PLA2G2C: variants seen among roughly 807,000 people sequenced by gnomAD.
PLA2G2C encodes the protein putative inactive group IIC secretory phospholipase A2.
Under a neutral mutation model 14.3 loss-of-function variants are expected in PLA2G2C, and 15 were observed. That is an observed-to-expected ratio of 1.05 (90% CI 0.70 to 1.62). The LOEUF is 1.62. Ranked by LOEUF, PLA2G2C falls within the 40% of genes most tolerant of loss-of-function variation. The pLI is 0.00. For synonymous variants in PLA2G2C, 79 were observed against 67.7 expected (o/e 1.17, Z -0.82); for missense variants, 162 against 173.2 (o/e 0.94, Z 0.36).
intron 4 of PLA2G2C, among the ~76,000 whole-genome samples, chr1:20,167,068 T>C (rs552137488): frequency 6.6e-6 from 1 of 152,342 alleles, no homozygotes; most frequent in South Asian, 2.1e-4. Flanking sequence ...CTGCATGAAC[T>C]ACATCTCCAC....
Position 20,182,852 on chromosome 1 carries a change from C to T in PLA2G2C, c.-77+3508G>A, listed in dbSNP as rs184970709. The stretch of plus-strand genomic sequence containing the variant: ...GGCCAAACACTCTGTGGGGACAAGC[C>T]GCTAAGAAACCGGGGCCCCCGCCTT... On this transcript the variant is annotated intron_variant, in intron 1 of 4. Coordinates refer to ENST00000679259, the MANE Select transcript of PLA2G2C (RefSeq NM_001367969.2). Among the ~76,000 whole-genome samples the T allele has an allele frequency of 2.0e-3, 308 of 152,328 alleles. 2 individuals carry two copies. The highest frequency in any genetic ancestry group is 2.3e-3 in the Non-Finnish European group (159 of 68,030).
At position 20,172,912 on chromosome 1, in the gene PLA2G2C, C is replaced by A. The variant is rs781426913; in HGVS notation, c.180-15G>T. 96 of 1,598,750 alleles carry A rather than the reference C, an allele frequency of 6.0e-5. No homozygotes were observed. The highest frequency in any genetic ancestry group is 8.1e-5 in the Non-Finnish European group (94 of 1,166,868). On this transcript the variant is annotated splice_polypyrimidine_tract_variant and intron_variant, in intron 3 of 4. Coordinates refer to ENST00000679259, the MANE Select transcript of PLA2G2C (RefSeq NM_001367969.2). ...AGGGGCTGTGCCTGGAAGTGGGTCC[C>A]TCAGGAATCTGCTGGAGGACCTTAT...
At chr1:20,183,481 C>T (rs1007107658) in intron 1 of PLA2G2C, among the ~76,000 whole-genome samples, 1 of 152,204 alleles carries the variant, frequency 6.6e-6, no homozygotes, top group African/African-American at 2.4e-5. Context: ...GCTCCTTCAC[C>T]AGGGGGAACC....
chr1:20,174,294 A>G (rs527607006), intron 3 of PLA2G2C, among the ~76,000 whole-genome samples: 4 of 152,318 alleles, frequency 2.6e-5, no homozygotes, highest in South Asian at 2.1e-4. Context: ...ATGTCTTCAA[A>G]TGAATTGACA....
intron 1 of PLA2G2C, among the ~76,000 whole-genome samples, chr1:20,179,584 C>A (rs976894818): frequency 7.3e-6 from 1 of 137,328 alleles, no homozygotes; most frequent in African/African-American, 2.8e-5. Flanking sequence ...TCTATGCTGG[C>A]TTCTCTGTGT....
intron 1 of PLA2G2C, among the ~76,000 whole-genome samples, chr1:20,179,091 A>C (rs1229185160): frequency 2.0e-5 from 3 of 152,196 alleles, no homozygotes; most frequent in Admixed American, 2.0e-4. Flanking sequence ...CTGGGGTGAT[A>C]GTTTAAAGGG....
intron 2 of PLA2G2C, among the ~76,000 whole-genome samples, chr1:20,176,034 T>A (rs1435698428): frequency 6.6e-6 from 1 of 151,792 alleles, no homozygotes; most frequent in Non-Finnish European, 1.5e-5. Flanking sequence ...CTCAGCCTCC[T>A]GAGTAGCTGG....
At chr1:20,185,635 G>A (rs1343348158) in intron 1 of PLA2G2C, among the ~76,000 whole-genome samples, 2 of 152,166 alleles carry the variant, frequency 1.3e-5, no homozygotes, top group East Asian at 3.9e-4. Flanking sequence ...TACTGAGGAT[G>A]GGGGCCCTGC....
chr1:20,172,657 G>T, intron 4 of PLA2G2C, 137 bp downstream of exon 4: 1 of 751,678 alleles, frequency 1.3e-6, no homozygotes, highest in Non-Finnish European at 2.1e-6. Flanking sequence ...TGGAGCATCA[G>T]GAGAAAGCTC....
In PLA2G2C at chr1:20,164,146, G is replaced by A. The variant is rs529946776; in HGVS notation, c.295C>T (p.Leu99Phe). 16 of 1,612,972 alleles carry A rather than the reference G, an allele frequency of 9.9e-6. No individual in the cohort carries two copies. In the South Asian group the frequency reaches 1.8e-4, roughly 18 times the overall value. Residue 99 changes from leucine (L) to phenylalanine (F), a missense_variant, in exon 5 of 5, where the codon CTT (leucine) becomes TTT (phenylalanine). Coordinates refer to ENST00000679259, the MANE Select transcript of PLA2G2C (RefSeq NM_001367969.2). ...CAGTGGCAGCTGGCACCAGGACCAA[G>A]GGTGCATCCACCTACAGAGACACAG... ...VNGAVVCGCT[L>F]GPGASCHCRL...
intron 4 of PLA2G2C, among the ~76,000 whole-genome samples, chr1:20,165,811 G>A (rs114072525): frequency 1.5e-3 from 225 of 151,492 alleles, no homozygotes; most frequent in African/African-American, 5.1e-3. Flanking sequence ...GTGTTTGTGC[G>A]TGTGTGTGTG....
At position 20,166,618 on chromosome 1, in the gene PLA2G2C, CCT is replaced by C. The variant is rs755704403; in HGVS notation, c.284-2463_284-2462del. On this transcript the variant is annotated intron_variant, in intron 4 of 4. Coordinates refer to ENST00000679259, the MANE Select transcript of PLA2G2C (RefSeq NM_001367969.2). The stretch of plus-strand genomic sequence containing the variant: ...TTCCTCAGCCACCTTCTTTCTCGTC[CCT>C]CTCTCTTTCTGTTGGTCTCACTGTC... Among the ~76,000 whole-genome samples, 6 of 152,294 alleles carry C rather than the reference CCT, an allele frequency of 3.9e-5. No individual in the cohort carries two copies. In the South Asian group the frequency reaches 1.0e-3, roughly 26 times the overall value.
intron 4 of PLA2G2C, among the ~76,000 whole-genome samples, chr1:20,165,253 G>A (rs115368437): frequency 6.6e-6 from 1 of 152,304 alleles, no homozygotes; most frequent in African/African-American, 2.4e-5. Context: ...CAAGCAGTGG[G>A]ATCCCTGCCA....
chr1:20,166,360 G>A (rs937727368), intron 4 of PLA2G2C, among the ~76,000 whole-genome samples: 3 of 152,090 alleles, frequency 2.0e-5, no homozygotes, highest in South Asian at 2.1e-4. Context: ...CTGGCTCTCC[G>A]GTTTTGCGGC....
chr1:20,172,530 C>A (rs533685562), intron 4 of PLA2G2C, among the ~76,000 whole-genome samples: 18 of 152,266 alleles, frequency 1.2e-4, no homozygotes, highest in Non-Finnish European at 1.2e-4. Flanking sequence ...CTCAAGTGAA[C>A]AAGTATTTAC....
At chr1:20,167,398 T>C (rs904023425) in intron 4 of PLA2G2C, among the ~76,000 whole-genome samples, 5 of 152,164 alleles carry the variant, frequency 3.3e-5, no homozygotes, top group Non-Finnish European at 5.9e-5. Context: ...TTGGTGCCAC[T>C]ATCTACAGCC....
chr1:20,183,369 G>A (rs1307631856), intron 1 of PLA2G2C, among the ~76,000 whole-genome samples: 2 of 152,224 alleles, frequency 1.3e-5, no homozygotes, highest in Non-Finnish European at 2.9e-5. Flanking sequence ...GCACAGATAA[G>A]GGCCATGGGG....
intron 4 of PLA2G2C, among the ~76,000 whole-genome samples, chr1:20,165,694 G>T (rs766201515): frequency 5.3e-5 from 8 of 151,050 alleles, no homozygotes; most frequent in Non-Finnish European, 8.8e-5. Flanking sequence ...GTGCATGCGC[G>T]TGTGTGCATG....
At chr1:20,179,933 CCTTCTCCCTCTGTGTCAG>C (rs1306866431) in intron 1 of PLA2G2C, among the ~76,000 whole-genome samples, 1 of 149,310 alleles carries the variant, frequency 6.7e-6, no homozygotes, top group Non-Finnish European at 1.5e-5. Context: ...TTGTATGTCA[CCTTCTCCCTCTGTGTCAG>C]CTTCTCCCTC....
Sources: allele counts gnomAD v4.1 joint callset (sites outside exome capture counted in the v4.1 genomes callset), GRCh38; gene constraint gnomAD v4.1.1; transcripts MANE v1.5; gene names NCBI Gene and HGNC (gene_info 2026-07-23, HGNC 2026-07-21).